HDAC9: variants seen among roughly 807,000 people sequenced by gnomAD.
HDAC9 encodes histone deacetylase 9, also known as MEF-2 interacting transcription repressor (MITR) protein.
Under a neutral mutation model 139.4 loss-of-function variants are expected in HDAC9, and 41 were observed. The observed-to-expected ratio is 0.29, with a 90% CI of 0.23 to 0.38. HDAC9 has a LOEUF of 0.38. HDAC9 is among the 10% of genes least tolerant of loss of function. The probability of loss-of-function intolerance (pLI) is 1.00; values close to 1 mark genes in which losing one functional copy is unlikely to be tolerated. For synonymous variants in HDAC9, 517 were observed against 476.2 expected (o/e 1.09, Z -1.12); for missense variants, 1,147 against 1,297.0 (o/e 0.88, Z 1.78).
chr7:18,376,634 C>T (rs1345155437), intron 1 of HDAC9, among the ~76,000 whole-genome samples: 1 of 152,104 alleles, frequency 6.6e-6, no homozygotes, highest in African/African-American at 2.4e-5. Flanking sequence ...TAACATGAGC[C>T]TCCCTTCCTT....
At chr7:18,903,381 G>A (rs916107109) in intron 22 of HDAC9, among the ~76,000 whole-genome samples, 1 of 152,160 alleles carries the variant, frequency 6.6e-6, no homozygotes, top group African/African-American at 2.4e-5. Flanking sequence ...CCAAAATCAG[G>A]GAATCGGTAA....
chr7:18,157,803 AT>A (rs1454207076), intron 1 of HDAC9, among the ~76,000 whole-genome samples: 6 of 68,890 alleles, frequency 8.7e-5, no homozygotes, highest in African/African-American at 3.1e-4. Context: ...GTTCTAAGGC[AT>A]GAGAGAGAGA....
intron 1 of HDAC9, among the ~76,000 whole-genome samples, chr7:18,406,823 C>G (rs1404545907): frequency 2.6e-5 from 4 of 151,368 alleles, no homozygotes; most frequent in African/African-American, 4.9e-5. Context: ...TGTTTTTTTT[C>G]TCTCTTTTTC....
Position 18,224,341 on chromosome 7 carries a change from A to G in HDAC9, c.25+61992A>G, listed in dbSNP as rs117498575. Among the ~76,000 whole-genome samples, 48 of 152,312 alleles carry G rather than the reference A, an allele frequency of 3.2e-4. No individual in the cohort carries two copies. In the East Asian group the frequency reaches 8.7e-3, roughly 28 times the overall value. Reference sequence around the variant, plus strand: ...ACTGAAAGTCCAGTTTCCTTTAGATATGACTCATAGTTCTTGGTTGGTTCA... The same window carrying G: ...ACTGAAAGTCCAGTTTCCTTTAGATGTGACTCATAGTTCTTGGTTGGTTCA... On this transcript the variant is annotated intron_variant, in intron 2 of 12. Transcript: ENST00000417496.
intron 2 of HDAC9, among the ~76,000 whole-genome samples, chr7:18,267,079 C>G (rs1236137334): frequency 1.3e-5 from 2 of 152,102 alleles, no homozygotes; most frequent in African/African-American, 4.8e-5. Flanking sequence ...TCTACAGCTT[C>G]TGTACTCCAA....
intron 2 of HDAC9, among the ~76,000 whole-genome samples, chr7:18,580,264 A>C (rs964503760): frequency 1.3e-5 from 2 of 152,226 alleles, no homozygotes; most frequent in Non-Finnish European, 2.9e-5. Flanking sequence ...TTTCATTTAC[A>C]AGTTCACTAA....
chr7:18,571,637 T>A (rs536177953), intron 2 of HDAC9, among the ~76,000 whole-genome samples: 3 of 152,112 alleles, frequency 2.0e-5, no homozygotes, highest in Non-Finnish European at 2.9e-5. Flanking sequence ...TTTATTTTTT[T>A]TTTTGGTAAT....
chr7:18,786,644 T>TCCTTCCTTCCCTCCCTCCCTC (rs1791816645), intron 16 of HDAC9, among the ~76,000 whole-genome samples: 1 of 118,132 alleles, frequency 8.5e-6, no homozygotes, highest in Admixed American at 8.4e-5. Context: ...CTTCCTTTCT[T>TCCTTCCTTCCCTCCCTCCCTC]CCCTCCTTCT....
chr7:18,735,589 T>C (rs2129137743), intron 13 of HDAC9, among the ~76,000 whole-genome samples: 1 of 152,318 alleles, frequency 6.6e-6, no homozygotes, highest in East Asian at 1.9e-4. Flanking sequence ...GTTCTATTGG[T>C]CTACATAACT....
chr7:18,566,193 A>C (rs1465191696), intron 2 of HDAC9, among the ~76,000 whole-genome samples: 1 of 152,246 alleles, frequency 6.6e-6, no homozygotes. Flanking sequence ...TATTATGGAA[A>C]GTTAGAGGAG....
chr7:18,956,663 G>A (rs959817173), intron 24 of HDAC9, among the ~76,000 whole-genome samples: 3 of 152,142 alleles, frequency 2.0e-5, no homozygotes, highest in African/African-American at 7.2e-5. Context: ...CTCAAAAGGA[G>A]TCTGGTTTTA....
intron 1 of HDAC9, among the ~76,000 whole-genome samples, chr7:18,302,372 T>C (rs937840808): frequency 6.6e-6 from 1 of 152,216 alleles, no homozygotes; most frequent in Admixed American, 6.5e-5. Context: ...TGCAATGTTA[T>C]CCTTTGGTGA....
chr7:18,612,093 T>C (rs1247518312), intron 6 of HDAC9, among the ~76,000 whole-genome samples: 2 of 152,022 alleles, frequency 1.3e-5, no homozygotes, highest in African/African-American at 2.4e-5. Context: ...GCTAATCCTA[T>C]AAAGGAAAAT....
At chr7:18,972,552 T>C (rs894683866) in intron 24 of HDAC9, among the ~76,000 whole-genome samples, 5 of 151,966 alleles carry the variant, frequency 3.3e-5, no homozygotes, top group African/African-American at 1.2e-4. Flanking sequence ...GGATATTTTT[T>C]GTATTTTCAG....
chr7:18,180,018 T>G (rs993501963), intron 2 of HDAC9, among the ~76,000 whole-genome samples: 5 of 152,186 alleles, frequency 3.3e-5, no homozygotes, highest in African/African-American at 1.2e-4. Context: ...CTCCCAGCTC[T>G]GTCACAATTT....
rs79266859 is a variant in HDAC9, at chr7:18,773,991, G to GTT, written c.2214+6844_2214+6845dup. On this transcript the variant is annotated intron_variant, in intron 16 of 25. Transcript: ENST00000686413. Reference sequence around the variant, plus strand: ...AAACTTTCATTAATGGAGAACAACAGTTTTTTTTTCAAAATTCAAAACCAA... The same window carrying GTT: ...AAACTTTCATTAATGGAGAACAACAGTTTTTTTTTTTCAAAATTCAAAACCAA... Among the ~76,000 whole-genome samples, 12 of 150,688 alleles carry GTT rather than the reference G, an allele frequency of 8.0e-5. No individual in the cohort carries two copies. In the East Asian group the frequency reaches 1.6e-3, roughly 20 times the overall value.
intron 19 of HDAC9, among the ~76,000 whole-genome samples, chr7:18,829,833 C>T (rs993297339): frequency 2.0e-5 from 3 of 152,118 alleles, no homozygotes; most frequent in African/African-American, 7.2e-5. Flanking sequence ...TAAAATAACC[C>T]AACAGAACCT....
At chr7:18,532,997 TAC>T (rs1324935297) in intron 2 of HDAC9, among the ~76,000 whole-genome samples, 1 of 152,170 alleles carries the variant, frequency 6.6e-6, no homozygotes, top group Non-Finnish European at 1.5e-5. Context: ...CACAAATATG[TAC>T]ACTTTTCTTC....
At chr7:18,876,188 C>A (rs1376314825) in intron 22 of HDAC9, among the ~76,000 whole-genome samples, 2 of 152,188 alleles carry the variant, frequency 1.3e-5, no homozygotes, top group East Asian at 3.9e-4. Context: ...GGTTCTACCA[C>A]TTCTAGGTTT....
Sources: allele counts gnomAD v4.1 joint callset (sites outside exome capture counted in the v4.1 genomes callset), GRCh38; gene constraint gnomAD v4.1.1; transcripts MANE v1.5; gene names NCBI Gene and HGNC (gene_info 2026-07-23, HGNC 2026-07-21).